Variants in STIM1 observed in about 807,000 individuals in gnomAD.
The protein encoded by STIM1 is stromal interaction molecule 1.
Under a neutral mutation model 74.7 loss-of-function variants are expected in STIM1, and 25 were observed. The ratio of observed to expected loss-of-function variants is 0.33; its 90% CI spans 0.24 to 0.47. STIM1 has a LOEUF of 0.47. STIM1 is among the 20% of genes least tolerant of loss of function. The pLI is 1.00. For missense variants in STIM1, 728 were observed against 920.8 expected (o/e 0.79, Z 2.71); for synonymous variants, 328 against 348.8 (o/e 0.94, Z 0.66).
At chr11:4,020,573 A>G (rs1021054757) in intron 2 of STIM1, among the ~76,000 whole-genome samples, 5 of 151,100 alleles carry the variant, frequency 3.3e-5, no homozygotes, top group Admixed American at 6.6e-5. Context: ...TATTTTTCAC[A>G]TATCTTTTGG....
At chr11:3,924,816 T>A (rs1008107025) in intron 1 of STIM1, among the ~76,000 whole-genome samples, 2 of 152,152 alleles carry the variant, frequency 1.3e-5, no homozygotes, top group African/African-American at 4.8e-5. Context: ...TCTATCATTT[T>A]AAAAAAATCT....
At chr11:4,045,322 C>T (rs1381201708) in intron 3 of STIM1, among the ~76,000 whole-genome samples, 1 of 152,128 alleles carries the variant, frequency 6.6e-6, no homozygotes, top group Non-Finnish European at 1.5e-5. Context: ...TGCCTTATAT[C>T]TGTGTGTCAC....
chr11:4,003,273 G>C (rs1265542339), intron 2 of STIM1, among the ~76,000 whole-genome samples: 2 of 150,252 alleles, frequency 1.3e-5, no homozygotes, highest in Admixed American at 1.3e-4. Context: ...AAGCCGGGCA[G>C]AGACACAACC....
At chr11:4,020,248 T>C (rs1369829662) in intron 2 of STIM1, among the ~76,000 whole-genome samples, 2 of 152,226 alleles carry the variant, frequency 1.3e-5, no homozygotes, top group African/African-American at 4.8e-5. Flanking sequence ...TGAATAGTGC[T>C]GCAATAAACA....
At chr11:4,033,338 C>T (rs931119695) in intron 3 of STIM1, among the ~76,000 whole-genome samples, 18 of 152,066 alleles carry the variant, frequency 1.2e-4, no homozygotes, top group Admixed American at 2.0e-4. Flanking sequence ...CTTGGCGATG[C>T]GGGCTCTTTT....
chr11:3,950,383 C>T (rs182500757), intron 1 of STIM1, among the ~76,000 whole-genome samples: 117 of 152,296 alleles, frequency 7.7e-4, no homozygotes, highest in African/African-American at 2.7e-3. Context: ...CTGCCCGCCT[C>T]GGCCTCCCAA....
rs540830362 is a variant in STIM1, at chr11:3,943,893, G to T, written c.140-23659G>T. On this transcript the variant is annotated intron_variant, in intron 1 of 12. Transcript: ENST00000526596. Reference sequence around the variant, plus strand: ...AAACAAATTATCACGTATATACACAGATTCACATAAGTGACAGAAGCAAAT... The same window carrying T: ...AAACAAATTATCACGTATATACACATATTCACATAAGTGACAGAAGCAAAT... 4.6e-5 allele frequency among the ~76,000 whole-genome samples: 7 copies of T among 152,332 alleles called. No individual in the cohort carries two copies. In the East Asian group the frequency reaches 7.7e-4, roughly 17 times the overall value.
chr11:4,001,492 G>C (rs1420384413), intron 2 of STIM1, among the ~76,000 whole-genome samples: 13 of 152,284 alleles, frequency 8.5e-5, no homozygotes, highest in Non-Finnish European at 1.3e-4. Context: ...AACTAAGCTT[G>C]ACAAGTGCAG....
intron 2 of STIM1, among the ~76,000 whole-genome samples, chr11:4,003,069 C>T (rs1223947473): frequency 6.7e-6 from 1 of 148,700 alleles, no homozygotes; most frequent in Non-Finnish European, 1.5e-5. Flanking sequence ...AGACCAATAA[C>T]AGGATCTGAA....
At chr11:4,044,626 T>G (rs1415359514) in intron 3 of STIM1, among the ~76,000 whole-genome samples, 2 of 152,174 alleles carry the variant, frequency 1.3e-5, no homozygotes, top group East Asian at 1.9e-4. Context: ...GGCATCTGCC[T>G]AGGTAACAGA....
chr11:4,040,462 T>C (rs1296915057), intron 3 of STIM1, among the ~76,000 whole-genome samples: 1 of 152,236 alleles, frequency 6.6e-6, no homozygotes, highest in Non-Finnish European at 1.5e-5. Context: ...TTTCTTTAAG[T>C]CTTCTTCCCT....
chr11:4,008,538 A>T (rs1338973351), intron 2 of STIM1, among the ~76,000 whole-genome samples: 1 of 152,234 alleles, frequency 6.6e-6, no homozygotes, highest in East Asian at 1.9e-4. Context: ...TTTAAGAAAG[A>T]TTAATAAAAA....
At chr11:3,862,385 C>T (rs1011771284) in intron 1 of STIM1, among the ~76,000 whole-genome samples, 1 of 152,080 alleles carries the variant, frequency 6.6e-6, no homozygotes. Context: ...CTGTGAGCAT[C>T]TGAGGCTCAG....
intron 7 of STIM1, among the ~76,000 whole-genome samples, chr11:4,077,954 A>G (rs367640521): frequency 3.2e-4 from 49 of 152,298 alleles, no homozygotes; most frequent in African/African-American, 1.2e-3. Context: ...TAACATAGCA[A>G]TCATAATTAT....
In STIM1 at chr11:4,031,577, C is replaced by T. The variant is rs376413813; in HGVS notation, c.385+7590C>T. Among the ~76,000 whole-genome samples, 26 of 152,220 alleles carry T rather than the reference C, an allele frequency of 1.7e-4. No individual in the cohort carries two copies. The South Asian group carries it at 3.7e-3, about 22-fold the overall frequency. Reference sequence around the variant, plus strand: ...TATGGTTGGTCTACTTAATTTTAGCCATTCTGATAGTATAATGATCGTGGT... The same window carrying T: ...TATGGTTGGTCTACTTAATTTTAGCTATTCTGATAGTATAATGATCGTGGT... On this transcript the variant is annotated intron_variant, in intron 3 of 12. Transcript: ENST00000526596.
chr11:4,019,313 T>C (rs1023731499), intron 2 of STIM1, among the ~76,000 whole-genome samples: 10 of 152,128 alleles, frequency 6.6e-5, no homozygotes, highest in Non-Finnish European at 1.5e-5. Flanking sequence ...TTTTTTTCTT[T>C]ATTTAAATTA....
chr11:3,998,948 G>A (rs1010112639), intron 2 of STIM1, among the ~76,000 whole-genome samples: 1 of 152,190 alleles, frequency 6.6e-6, no homozygotes, highest in African/African-American at 2.4e-5. Context: ...GACTTTGATA[G>A]CCATAGAGTC....
intron 2 of STIM1, among the ~76,000 whole-genome samples, chr11:3,995,442 T>C (rs1419642632): frequency 3.9e-5 from 6 of 152,198 alleles, no homozygotes; most frequent in Non-Finnish European, 5.9e-5. Context: ...CCCACAGTCA[T>C]ATTTGGATGA....
At chr11:3,905,073 G>C (rs748223259) in intron 1 of STIM1, among the ~76,000 whole-genome samples, 15 of 152,094 alleles carry the variant, frequency 9.9e-5, no homozygotes, top group Non-Finnish European at 1.5e-4. Context: ...AGAGAGGCAA[G>C]AGAAAGTACT....
Sources: allele counts gnomAD v4.1 joint callset (sites outside exome capture counted in the v4.1 genomes callset), GRCh38; gene constraint gnomAD v4.1.1; transcripts MANE v1.5; gene names NCBI Gene and HGNC (gene_info 2026-07-23, HGNC 2026-07-21).